The following DOCK1 variants were observed in gnomAD, a reference collection of about 807,000 sequenced individuals.
DOCK1 encodes the protein dedicator of cytokinesis 1.
A neutral mutation model predicts 262.7 loss-of-function variants in DOCK1; 138 were observed. The ratio of observed to expected loss-of-function variants is 0.53; its 90% CI spans 0.46 to 0.61. The LOEUF (loss-of-function observed/expected upper bound fraction) is 0.61, where lower values mean the gene tolerates loss of function less well. Ranked by LOEUF, DOCK1 falls within the 20% of genes least tolerant of loss-of-function variation. DOCK1 has a pLI of 0.00. For missense variants in DOCK1, 1,908 were observed against 2,370.7 expected (o/e 0.80, Z 4.05); for synonymous variants, 866 against 867.4 (o/e 1.00, Z 0.03).
chr10:127,047,926 C>A (rs966930361), intron 21 of DOCK1, among the ~76,000 whole-genome samples: 1 of 152,182 alleles, frequency 6.6e-6, no homozygotes, highest in African/African-American at 2.4e-5. Context: ...TTGATGGATA[C>A]ATGAAGTGTT....
chr10:127,400,043 C>T (rs893900834), intron 38 of DOCK1, among the ~76,000 whole-genome samples: 1 of 152,130 alleles, frequency 6.6e-6, no homozygotes, highest in Non-Finnish European at 1.5e-5. Context: ...GGACCGTAGG[C>T]AGGATGTCTT....
chr10:126,906,545 G>A (rs1299862335), intron 1 of DOCK1, among the ~76,000 whole-genome samples: 1 of 152,146 alleles, frequency 6.6e-6, no homozygotes, highest in African/African-American at 2.4e-5. Flanking sequence ...ATCCTTGACC[G>A]CCTGCCTCAT....
intron 48 of DOCK1, among the ~76,000 whole-genome samples, chr10:127,434,960 C>T (rs1447630439): frequency 6.6e-6 from 1 of 152,170 alleles, no homozygotes; most frequent in Non-Finnish European, 1.5e-5. Context: ...CCAACGTCCA[C>T]TTTCTATCAC....
chr10:127,377,390 G>A (rs916476555), intron 35 of DOCK1, among the ~76,000 whole-genome samples: 2 of 152,128 alleles, frequency 1.3e-5, no homozygotes, highest in Admixed American at 6.6e-5. Flanking sequence ...TATTGGAGAT[G>A]TATAAAATAT....
intron 25 of DOCK1, among the ~76,000 whole-genome samples, chr10:127,114,644 T>A (rs1188963859): frequency 6.6e-6 from 1 of 151,768 alleles, no homozygotes; most frequent in Non-Finnish European, 1.5e-5. Context: ...TACCTTTGGC[T>A]AAAACTATGG....
chr10:127,411,764 C>T (rs2067863837), intron 43 of DOCK1, among the ~76,000 whole-genome samples: 1 of 152,112 alleles, frequency 6.6e-6, no homozygotes, highest in South Asian at 2.1e-4. Context: ...CGCTTGAACC[C>T]AGGAGGCAGA....
chr10:126,981,897 G>GTTTTTT, intron 3 of DOCK1, 21 bp from the exon 4 acceptor site: 2 of 1,410,918 alleles, frequency 1.4e-6, no homozygotes, highest in Admixed American at 2.0e-5. Flanking sequence ...AAAAGCTACT[G>GTTTTTT]TTTTTTTTTT....
At chr10:126,977,033 C>T (rs945853821) in intron 2 of DOCK1, among the ~76,000 whole-genome samples, 2 of 152,220 alleles carry the variant, frequency 1.3e-5, no homozygotes, top group African/African-American at 4.8e-5. Flanking sequence ...CTGTGCCTGG[C>T]CTCTTTGAGC....
intron 29 of DOCK1, among the ~76,000 whole-genome samples, chr10:127,293,588 T>C (rs2061414228): frequency 6.6e-6 from 1 of 152,014 alleles, no homozygotes; most frequent in South Asian, 2.1e-4. Flanking sequence ...CCTGACCCCA[T>C]CCCACCCGCA....
chr10:127,136,807 GT>G (rs989176352), intron 27 of DOCK1: 1 of 152,554 alleles, frequency 6.6e-6, no homozygotes, highest in Non-Finnish European at 1.5e-5. Flanking sequence ...TAAACGCACT[GT>G]TTCTCTTTGA....
rs1397712881 is a variant in DOCK1, at chr10:126,905,538, C to G, written c.21C>G (p.Thr7=). The change falls in exon 1 of 52, where the codon ACC becomes ACG. Residue 7 remains threonine (T), a synonymous_variant. Coordinates refer to ENST00000623213, the MANE Select transcript of DOCK1 (RefSeq NM_001290223.2). MTRWVP[T]KREEKYGVAF... ...GCGCCATGACGCGCTGGGTGCCCAC[C>G]AAGCGCGAGGAGAAGTACGGCGTGG... The G allele has an allele frequency of 1.6e-5, 8 of 512,800 alleles. No individual in the cohort carries two copies. Among genetic ancestry groups the G allele is most frequent in the African/African-American group, 4.1e-5 (2 of 49,324 alleles). The allele number at this position is 512,800 out of a possible 1,614,324, so 31.8% of individuals were successfully genotyped here. A position where few individuals can be genotyped will look rare whatever the true frequency, so the allele number is the denominator to read the frequency against.
Position 127,138,201 on chromosome 10 carries a change from C to T in DOCK1, c.2847+10437C>T, listed in dbSNP as rs185118073. On this transcript the variant is annotated intron_variant, in intron 27 of 51. Transcript: ENST00000623213. ...GCTCCCGTGAAATAGTTCAAGGAGGCTCACTTCCTTTGGAAAATAACTTAC... is the reference window on the plus strand; with the variant it reads ...GCTCCCGTGAAATAGTTCAAGGAGGTTCACTTCCTTTGGAAAATAACTTAC... Among the ~76,000 whole-genome samples the T allele has an allele frequency of 5.9e-5, 9 of 152,294 alleles. No homozygotes were observed. In the South Asian group the frequency reaches 1.7e-3, roughly 28 times the overall value.
chr10:127,361,474 C>T (rs2064444617), intron 32 of DOCK1, among the ~76,000 whole-genome samples: 1 of 152,132 alleles, frequency 6.6e-6, no homozygotes, highest in Non-Finnish European at 1.5e-5. Context: ...GGTAGAATCA[C>T]TGCTGTTTTT....
intron 23 of DOCK1, among the ~76,000 whole-genome samples, chr10:127,090,764 T>C (rs1275596028): frequency 6.6e-6 from 1 of 152,210 alleles, no homozygotes; most frequent in Non-Finnish European, 1.5e-5. Flanking sequence ...TGGCTTTTTT[T>C]GGTATATGGC....
intron 19 of DOCK1, 150 bp downstream of exon 19, chr10:127,037,966 G>T: frequency 1.5e-6 from 1 of 679,364 alleles, no homozygotes; most frequent in Non-Finnish European, 2.3e-6. Flanking sequence ...GGGTGCGGTG[G>T]CTTACGCCTG....
chr10:127,029,395 C>A (rs542676391), intron 16 of DOCK1, among the ~76,000 whole-genome samples: 1 of 152,220 alleles, frequency 6.6e-6, no homozygotes, highest in Non-Finnish European at 1.5e-5. Flanking sequence ...GGATTTCTCA[C>A]CTGGGATCTG....
At chr10:127,336,054 T>C (rs1206147843) in intron 29 of DOCK1, among the ~76,000 whole-genome samples, 1 of 151,828 alleles carries the variant, frequency 6.6e-6, no homozygotes, top group African/African-American at 2.4e-5. Context: ...GGTTTCACCA[T>C]GTTGGCCAGG....
At position 127,321,321 on chromosome 10, in the gene DOCK1, C is replaced by T. The variant is rs1306538899; in HGVS notation, c.3045-17685C>T. On this transcript the variant is annotated intron_variant, in intron 29 of 51. Transcript: ENST00000623213. ...CCTCTCTTCCCTCCCTTCCTCCCTT[C>T]TTTCCTTCCTCTATCCTCCCTTCTC... 2.2e-5 allele frequency among the ~76,000 whole-genome samples: 3 copies of T among 137,712 alleles called. No homozygotes were observed. In the East Asian group the frequency reaches 7.3e-4, roughly 34 times the overall value. The allele number at this position is 137,712 out of a possible 152,430, so 90.3% of individuals were successfully genotyped here. A position where few individuals can be genotyped will look rare whatever the true frequency, so the allele number is the denominator to read the frequency against.
chr10:127,003,708 C>A (rs1591607753), intron 10 of DOCK1, among the ~76,000 whole-genome samples: 1 of 152,244 alleles, frequency 6.6e-6, no homozygotes, highest in Admixed American at 6.5e-5. Context: ...AATCCCAGCA[C>A]TGTGGGAAGT....
Sources: allele counts gnomAD v4.1 joint callset (sites outside exome capture counted in the v4.1 genomes callset), GRCh38; gene constraint gnomAD v4.1.1; transcripts MANE v1.5; gene names NCBI Gene and HGNC (gene_info 2026-07-23, HGNC 2026-07-21).